BUD31: variants seen among roughly 807,000 people sequenced by gnomAD.
The protein encoded by BUD31 is BUD31 spliceosome associated protein.
BUD31 carries 9 observed loss-of-function variants against 17.9 expected under a neutral mutation model. That is an observed-to-expected ratio of 0.50 (90% CI 0.30 to 0.88). The LOEUF (loss-of-function observed/expected upper bound fraction) is 0.88. Ranked by LOEUF, BUD31 falls within the 40% of genes least tolerant of loss-of-function variation. The probability of loss-of-function intolerance (pLI) is 0.06; values close to 1 mark genes in which losing one functional copy is unlikely to be tolerated. For missense variants in BUD31, 148 were observed against 184.5 expected, an observed-to-expected ratio of 0.80 and a Z score of 1.15; for synonymous variants, 70 against 64.7, an observed-to-expected ratio of 1.08 and a Z score of -0.39.
In BUD31 at chr7:99,411,061, C is replaced by T. The variant is rs768940165; in HGVS notation, c.-29-3C>T. The T allele has an allele frequency of 1.9e-6, 3 of 1,582,910 alleles. No homozygotes were observed. Among genetic ancestry groups the T allele is most frequent in the Admixed American group, 3.4e-5 (2 of 58,868 alleles). On this transcript the variant is annotated splice_region_variant and splice_polypyrimidine_tract_variant and intron_variant, in intron 2 of 5. Transcript: ENST00000222969. ...CAGAAACCAATTCATTTTTTTCCCC[C>T]AGATCTTTGCAGATTATCCTGTGGA...
chr7:99,410,343 C>T (rs746762317), intron 2 of BUD31, among the ~76,000 whole-genome samples, 174 bp downstream of exon 2: 12 of 143,824 alleles, frequency 8.3e-5, no homozygotes, highest in Non-Finnish European at 1.2e-4. Context: ...CTCAGCCTTC[C>T]GTGTAGCTCA....
At position 99,417,547 on chromosome 7, in the gene BUD31, C is replaced by CT; in HGVS notation, c.338dup (p.Gly114ArgfsTer?). 6.2e-7 allele frequency: 1 copy of CT among 1,612,146 alleles called. No homozygotes were observed. The highest frequency in any genetic ancestry group is 8.5e-7 in the Non-Finnish European group (1 of 1,178,644). ...GGTGCATTCAGACACGGGACACCAA[C>CT]TTCGGGACGAACTGCATCTGCCGCG... On this transcript the variant is annotated frameshift_variant, in exon 5 of 6. Transcript: ENST00000222969. LOFTEE classifies it high-confidence loss of function.
At chr7:99,415,091 G>A (rs1795344571) in intron 3 of BUD31, 1 of 400,582 alleles carries the variant, frequency 2.5e-6, no homozygotes, top group African/African-American at 2.1e-5. Flanking sequence ...CCCGTGTGTG[G>A]AGACGAGAGA....
At chr7:99,417,754 A>G in intron 5 of BUD31, 159 bp downstream of exon 5, 1 of 1,534,300 alleles carries the variant, frequency 6.5e-7, no homozygotes. Flanking sequence ...GTATTCAGGA[A>G]TCCATGTGAG....
chr7:99,409,582 A>G (rs77612212), intron 1 of BUD31, among the ~76,000 whole-genome samples: 9,893 of 152,076 alleles, frequency 0.065, 687 homozygotes, highest in East Asian at 0.32. Context: ...GGCCGAGACC[A>G]GAATTCACCT....
intron 5 of BUD31, 172 bp downstream of exon 5, chr7:99,417,767 A>G (rs1795586537): frequency 6.5e-7 from 1 of 1,532,626 alleles, no homozygotes. Context: ...CATGTGAGGC[A>G]GCGTGTGGCT....
At chr7:99,410,642 A>G (rs1795143626) in intron 2 of BUD31, among the ~76,000 whole-genome samples, 1 of 152,132 alleles carries the variant, frequency 6.6e-6, no homozygotes, top group South Asian at 2.1e-4. Context: ...TCTCTTTGCT[A>G]AAATGTCACC....
In BUD31 at chr7:99,416,521, G is replaced by A. The variant is rs572633091; in HGVS notation, c.217+261G>A. 9.2e-4 allele frequency among the ~76,000 whole-genome samples: 140 copies of A among 152,090 alleles called. 1 individual carries two copies. Among genetic ancestry groups the A allele is most frequent in the African/African-American group, 3.2e-3 (134 of 41,476 alleles). Reference sequence around the variant, plus strand: ...TGCAAGCTCCACTTCCTGGGTTCAAGCGATTCTCCTGTCTCAGCTCCCAAG... The same window carrying A: ...TGCAAGCTCCACTTCCTGGGTTCAAACGATTCTCCTGTCTCAGCTCCCAAG... On this transcript the variant is annotated intron_variant, in intron 4 of 5. Transcript: ENST00000222969.
intron 3 of BUD31, among the ~76,000 whole-genome samples, 197 bp from the exon 4 acceptor site, chr7:99,415,939 ATT>A (rs1795420840): frequency 6.7e-6 from 1 of 150,066 alleles, no homozygotes; most frequent in African/African-American, 2.5e-5. Flanking sequence ...TAGTATAACT[ATT>A]CTTATTTTAT....
intron 4 of BUD31, 42 bp downstream of exon 4, chr7:99,416,302 T>C: frequency 6.3e-7 from 1 of 1,595,538 alleles, no homozygotes; most frequent in Non-Finnish European, 8.6e-7. Context: ...CTCGCGTCAC[T>C]TTTGGAGTTA....
chr7:99,416,066 A>G, intron 3 of BUD31, 72 bp from the exon 4 acceptor site: 1 of 1,579,984 alleles, frequency 6.3e-7, no homozygotes, highest in African/African-American at 1.3e-5. Context: ...CATTATCAGT[A>G]GTTACTTACA....
At chr7:99,411,813 T>G (rs1391815485) in intron 3 of BUD31, 1 of 432,198 alleles carries the variant, frequency 2.3e-6, no homozygotes, top group East Asian at 7.6e-5. Flanking sequence ...CAAGTGATTT[T>G]CCTGCCTCTC....
In BUD31 at chr7:99,419,612, C is replaced by T. The variant is rs1795707627; in HGVS notation, c.*171C>T. The T allele has an allele frequency of 2.3e-6, 2 of 853,122 alleles. No homozygotes were observed. The highest frequency in any genetic ancestry group is 3.6e-6 in the Non-Finnish European group (2 of 560,098). 52.8% of individuals were successfully genotyped at this position (853,122 alleles called of 1,614,324 possible). ...TTGTAAAAATAAAATCTTTAAATCT[C>T]TCGAGCCCCACGTCTCTTCTTTCAG... On this transcript the variant is annotated 3_prime_UTR_variant, in exon 6 of 6. Transcript: ENST00000222969.
chr7:99,417,791 G>T (rs1274324347), intron 5 of BUD31, 196 bp downstream of exon 5: 24 of 1,522,074 alleles, frequency 1.6e-5, no homozygotes, highest in Non-Finnish European at 1.9e-5. Context: ...TGTTTGTTAG[G>T]TCTGGGGTCA....
intron 2 of BUD31, among the ~76,000 whole-genome samples, chr7:99,410,598 T>C (rs1795141763): frequency 6.6e-6 from 1 of 152,072 alleles, no homozygotes; most frequent in African/African-American, 2.4e-5. Context: ...CAGCCCTCCT[T>C]ATACTCTATT....
chr7:99,417,304 C>T lies in BUD31; in HGVS notation c.218-125C>T, dbSNP rs740159. On this transcript the variant is annotated intron_variant, in intron 4 of 5. Transcript: ENST00000222969. ...CTGACCTCAGGTGATCCGCCTGCCTCGGCCTCCCAAAGTGCTGGGATTACA... is the reference window on the plus strand; with the variant it reads ...CTGACCTCAGGTGATCCGCCTGCCTTGGCCTCCCAAAGTGCTGGGATTACA... 3,479 of 928,624 alleles carry T rather than the reference C, an allele frequency of 3.7e-3. 45 individuals carry two copies. In the African/African-American group the frequency reaches 0.039, roughly 10 times the overall value. The allele number at this position is 928,624 out of a possible 1,614,324, so 57.5% of individuals were successfully genotyped here.
At chr7:99,417,830 T>G (rs1226026800) in intron 5 of BUD31, 14 of 1,476,588 alleles carry the variant, frequency 9.5e-6, no homozygotes, top group Non-Finnish European at 1.2e-5. Flanking sequence ...GGCAAATTAC[T>G]GAACCCCTTT....
intron 4 of BUD31, chr7:99,416,964 C>T (rs1403264679): frequency 6.1e-6 from 1 of 162,866 alleles, no homozygotes; most frequent in Non-Finnish European, 1.4e-5. Flanking sequence ...GCGTTGGCTT[C>T]CAAAAGTGCT....
chr7:99,417,273 G>C (rs1795546138), intron 4 of BUD31, 156 bp from the exon 5 acceptor site: 2 of 670,748 alleles, frequency 3.0e-6, no homozygotes, highest in South Asian at 3.4e-5. Context: ...GGCTGGTCCT[G>C]AACTCCTGAC....
Sources: allele counts gnomAD v4.1 joint callset (sites outside exome capture counted in the v4.1 genomes callset), GRCh38; gene constraint gnomAD v4.1.1; transcripts MANE v1.5; gene names NCBI Gene and HGNC (gene_info 2026-07-23, HGNC 2026-07-21).